Variants in NR3C2 observed in about 807,000 individuals in gnomAD.
NR3C2 encodes mineralocorticoid receptor.
NR3C2 carries 15 observed loss-of-function variants against 86.4 expected under a neutral mutation model. That is an observed-to-expected ratio of 0.17 (90% CI 0.12 to 0.27). The LOEUF (loss-of-function observed/expected upper bound fraction) is 0.27. Ranked by LOEUF, NR3C2 falls within the 10% of genes least tolerant of loss-of-function variation. The pLI is 1.00. For synonymous variants in NR3C2, 458 were observed against 450.5 expected (o/e 1.02, Z -0.21); for missense variants, 960 against 1,195.6 (o/e 0.80, Z 2.91).
At chr4:148,425,827 C>T (rs180830151) in intron 2 of NR3C2, among the ~76,000 whole-genome samples, 1 of 152,128 alleles carries the variant, frequency 6.6e-6, no homozygotes, top group African/African-American at 2.4e-5. Flanking sequence ...TCTTCATTTG[C>T]CTTCACTATA....
chr4:148,379,943 C>T (rs1746880018), intron 2 of NR3C2, among the ~76,000 whole-genome samples: 1 of 151,904 alleles, frequency 6.6e-6, no homozygotes, highest in African/African-American at 2.4e-5. Flanking sequence ...TTAAAAAGTT[C>T]ATAAAAATAC....
intron 3 of NR3C2, among the ~76,000 whole-genome samples, chr4:148,198,373 C>T (rs899745191): frequency 2.0e-5 from 3 of 152,052 alleles, no homozygotes; most frequent in Non-Finnish European, 4.4e-5. Flanking sequence ...TTATACTTGG[C>T]CTGGTCCCAA....
intron 2 of NR3C2, among the ~76,000 whole-genome samples, chr4:148,397,275 G>A (rs2126516306): frequency 6.6e-6 from 1 of 152,378 alleles, no homozygotes; most frequent in Non-Finnish European, 1.5e-5. Context: ...TGCCTGGGAT[G>A]TAGACCTGGG....
At chr4:148,200,368 T>G (rs555139376) in intron 3 of NR3C2, among the ~76,000 whole-genome samples, 10 of 140,492 alleles carry the variant, frequency 7.1e-5, no homozygotes, top group Admixed American at 2.1e-4. Flanking sequence ...ACAGCCCCCT[T>G]CCCGCCTGCT....
At chr4:148,205,802 A>G (rs996909733) in intron 3 of NR3C2, among the ~76,000 whole-genome samples, 3 of 152,224 alleles carry the variant, frequency 2.0e-5, no homozygotes, top group African/African-American at 7.2e-5. Context: ...AGAAATAACA[A>G]TAGATTTGCA....
At chr4:148,161,677 A>C (rs1451613543) in intron 4 of NR3C2, among the ~76,000 whole-genome samples, 2 of 152,196 alleles carry the variant, frequency 1.3e-5, no homozygotes, top group Non-Finnish European at 2.9e-5. Flanking sequence ...ATCTATAATA[A>C]ATATAAATTT....
rs528140252 is a variant in NR3C2 at position 148,405,167 on chromosome 4, G to C, written c.1757+29937C>G. 2.7e-4 allele frequency among the ~76,000 whole-genome samples: 41 copies of C among 152,206 alleles called. 1 individual carries two copies. The highest frequency in any genetic ancestry group is 2.1e-3 in the Admixed American group (32 of 15,286). On this transcript the variant is annotated intron_variant, in intron 2 of 8. Transcript: ENST00000358102. Reference sequence around the variant, plus strand: ...ATCGATGGAAATAGATCATAACAATGACAATTTGACATGTTATATGTCTTT... The same window carrying C: ...ATCGATGGAAATAGATCATAACAATCACAATTTGACATGTTATATGTCTTT...
intron 2 of NR3C2, among the ~76,000 whole-genome samples, chr4:148,433,278 TTACTC>T (rs1369662972): frequency 6.6e-6 from 1 of 152,130 alleles, no homozygotes; most frequent in Non-Finnish European, 1.5e-5. Flanking sequence ...AGAAACATCA[TTACTC>T]AAAGCAATAG....
At chr4:148,386,586 G>GCTT (rs998704463) in intron 2 of NR3C2, among the ~76,000 whole-genome samples, 1 of 152,190 alleles carries the variant, frequency 6.6e-6, no homozygotes, top group Non-Finnish European at 1.5e-5. Flanking sequence ...TCATTTTAGA[G>GCTT]CTGAAAGGAG....
rs191696462 is a variant in NR3C2 at position 148,394,023 on chromosome 4, T to G, written c.1757+41081A>C. On this transcript the variant is annotated intron_variant, in intron 2 of 8. Transcript: ENST00000358102. ...CTCAAAGGGCATTGCAGCTCTCACC[T>G]TTCTGCTCTTTGAATACTCCTGCTG... 6.2e-3 allele frequency among the ~76,000 whole-genome samples: 939 copies of G among 152,294 alleles called. 5 individuals carry two copies. The highest frequency in any genetic ancestry group is 9.5e-3 in the Admixed American group (146 of 15,300).
chr4:148,166,351 C>G (rs1193647290), intron 4 of NR3C2, among the ~76,000 whole-genome samples: 1 of 152,186 alleles, frequency 6.6e-6, no homozygotes, highest in East Asian at 1.9e-4. Flanking sequence ...TGCCGAGGAC[C>G]TGGTGGTGGG....
At chr4:148,115,021 G>A (rs956198242) in intron 7 of NR3C2, among the ~76,000 whole-genome samples, 1 of 152,152 alleles carries the variant, frequency 6.6e-6, no homozygotes, top group Non-Finnish European at 1.5e-5. Context: ...TAGGATTCAC[G>A]TACACTGGTT....
chr4:148,109,846 G>A (rs1731972920), intron 8 of NR3C2, among the ~76,000 whole-genome samples: 1 of 151,966 alleles, frequency 6.6e-6, no homozygotes, highest in African/African-American at 2.4e-5. Flanking sequence ...GGCAATTTTT[G>A]CATCAAGAGG....
intron 8 of NR3C2, among the ~76,000 whole-genome samples, chr4:148,087,842 T>G (rs751285770): frequency 5.3e-5 from 8 of 152,070 alleles, no homozygotes; most frequent in Non-Finnish European, 1.2e-4. Context: ...CCAAAAGCAA[T>G]GGCAACAACA....
At chr4:148,213,175 G>A (rs1322136621) in intron 3 of NR3C2, among the ~76,000 whole-genome samples, 1 of 151,872 alleles carries the variant, frequency 6.6e-6, no homozygotes, top group Non-Finnish European at 1.5e-5. Flanking sequence ...TTCTCTAGGA[G>A]GAGTCACAGC....
intron 2 of NR3C2, among the ~76,000 whole-genome samples, chr4:148,333,947 A>G (rs1220011678): frequency 6.6e-6 from 1 of 152,222 alleles, no homozygotes; most frequent in Non-Finnish European, 1.5e-5. Context: ...TCAATTATAC[A>G]AAATCTATTT....
intron 2 of NR3C2, among the ~76,000 whole-genome samples, chr4:148,394,940 C>A (rs1747785366): frequency 6.6e-6 from 1 of 151,972 alleles, no homozygotes; most frequent in Non-Finnish European, 1.5e-5. Flanking sequence ...AAAAAAAGAT[C>A]AACTAAAGAC....
intron 3 of NR3C2, among the ~76,000 whole-genome samples, chr4:148,243,793 T>G (rs1312999243): frequency 6.6e-6 from 1 of 152,220 alleles, no homozygotes; most frequent in Non-Finnish European, 1.5e-5. Flanking sequence ...ATAGAGCATT[T>G]GGCACCCATG....
chr4:148,342,220 G>C (rs1744781288), intron 2 of NR3C2, among the ~76,000 whole-genome samples: 1 of 152,022 alleles, frequency 6.6e-6, no homozygotes, highest in African/African-American at 2.4e-5. Flanking sequence ...GGATAGCGAA[G>C]TACGTGGCTT....
Sources: allele counts gnomAD v4.1 joint callset (sites outside exome capture counted in the v4.1 genomes callset), GRCh38; gene constraint gnomAD v4.1.1; transcripts MANE v1.5; gene names NCBI Gene and HGNC (gene_info 2026-07-23, HGNC 2026-07-21).